The following FHIT variants were observed in gnomAD, a reference collection of about 807,000 sequenced individuals.
FHIT encodes the protein bis(5'-adenosyl)-triphosphatase.
A neutral mutation model predicts 17.9 loss-of-function variants in FHIT; 19 were observed. That is an observed-to-expected ratio of 1.06 (90% CI 0.74 to 1.56). FHIT has a LOEUF of 1.56. Ranked by LOEUF, FHIT falls within the 40% of genes most tolerant of loss-of-function variation. The pLI is 0.00. For missense variants in FHIT, 248 were observed against 189.2 expected (o/e 1.31, Z -1.82); for synonymous variants, 81 against 69.7 (o/e 1.16, Z -0.81).
chr3:61,073,430 T>C (rs919695465), intron 2 of FHIT, among the ~76,000 whole-genome samples: 2 of 152,190 alleles, frequency 1.3e-5, no homozygotes, highest in Non-Finnish European at 1.5e-5. Flanking sequence ...AACCTCCTCT[T>C]CCCATATTCT....
chr3:59,947,351 G>A (rs1706862884), intron 7 of FHIT, among the ~76,000 whole-genome samples: 1 of 151,996 alleles, frequency 6.6e-6, no homozygotes, highest in South Asian at 2.1e-4. Flanking sequence ...TGGGGGGTTG[G>A]TGGTAATGTC....
At chr3:60,675,363 C>G (rs1284468761) in intron 4 of FHIT, among the ~76,000 whole-genome samples, 1 of 152,202 alleles carries the variant, frequency 6.6e-6, no homozygotes, top group Non-Finnish European at 1.5e-5. Flanking sequence ...GCCGAGGCTT[C>G]CTGCTCTTAT....
At chr3:60,351,899 A>C (rs955049378) in intron 5 of FHIT, among the ~76,000 whole-genome samples, 1 of 152,176 alleles carries the variant, frequency 6.6e-6, no homozygotes, top group Non-Finnish European at 1.5e-5. Context: ...CTAAAGATTT[A>C]ATTAGCTAGC....
intron 3 of FHIT, among the ~76,000 whole-genome samples, chr3:60,978,288 G>C (rs1057099290): frequency 6.6e-6 from 1 of 152,174 alleles, no homozygotes; most frequent in Non-Finnish European, 1.5e-5. Context: ...TGTGGATTCT[G>C]ATTCTAGAGT....
At chr3:60,550,384 A>C (rs2036506243) in intron 4 of FHIT, among the ~76,000 whole-genome samples, 1 of 152,238 alleles carries the variant, frequency 6.6e-6, no homozygotes, top group South Asian at 2.1e-4. Flanking sequence ...GAAGTGTCCC[A>C]GAATTTAAGC....
chr3:61,009,879 C>T (rs2031688823), intron 3 of FHIT, among the ~76,000 whole-genome samples: 2 of 151,868 alleles, frequency 1.3e-5, no homozygotes. Flanking sequence ...TTACAAATAC[C>T]CTTTAGGAAA....
intron 2 of FHIT, among the ~76,000 whole-genome samples, chr3:61,051,398 C>A (rs529766479): frequency 1.3e-5 from 2 of 151,880 alleles, no homozygotes; most frequent in Non-Finnish European, 2.9e-5. Flanking sequence ...TACAGGCATG[C>A]GCCACCACAC....
intron 5 of FHIT, among the ~76,000 whole-genome samples, chr3:60,338,679 G>A (rs952437504): frequency 3.9e-5 from 6 of 152,176 alleles, no homozygotes; most frequent in Non-Finnish European, 8.8e-5. Flanking sequence ...AGCACATGTG[G>A]TTTTCTGCAT....
At position 59,954,901 on chromosome 3, in the gene FHIT, T is replaced by C. The variant is rs566453231; in HGVS notation, c.280-32487A>G. Among the ~76,000 whole-genome samples, 12 of 152,252 alleles carry C rather than the reference T, an allele frequency of 7.9e-5. No individual in the cohort carries two copies. The South Asian group carries it at 1.9e-3, about 24-fold the overall frequency. The stretch of plus-strand genomic sequence containing the variant: ...AACTCAGAACTGTTCCAGAAGGTAA[T>C]CACTTTGAATTTAAATGCCTACTCT... On this transcript the variant is annotated intron_variant, in intron 7 of 9. Coordinates refer to ENST00000492590, the MANE Select transcript of FHIT (RefSeq NM_002012.4).
At chr3:59,940,389 T>C (rs1706455155) in intron 7 of FHIT, among the ~76,000 whole-genome samples, 1 of 152,174 alleles carries the variant, frequency 6.6e-6, no homozygotes, top group Non-Finnish European at 1.5e-5. Context: ...TTTTAAAAAT[T>C]ACTCTACTGA....
At chr3:60,782,354 T>C (rs1203605419) in intron 4 of FHIT, among the ~76,000 whole-genome samples, 1 of 152,108 alleles carries the variant, frequency 6.6e-6, no homozygotes, top group African/African-American at 2.4e-5. Context: ...GGGGAACCCT[T>C]GTTCACTACT....
chr3:60,755,589 C>T (rs2042555872), intron 4 of FHIT, among the ~76,000 whole-genome samples: 1 of 152,132 alleles, frequency 6.6e-6, no homozygotes, highest in African/African-American at 2.4e-5. Context: ...TTTGCTATTT[C>T]ACATCATCAG....
intron 5 of FHIT, among the ~76,000 whole-genome samples, chr3:60,271,127 C>A (rs779297191): frequency 5.3e-5 from 8 of 152,280 alleles, no homozygotes; most frequent in Non-Finnish European, 8.8e-5. Flanking sequence ...AAGCCACGCT[C>A]CGTGGCTCAC....
chr3:59,971,414 T>C (rs1205477955), intron 7 of FHIT, among the ~76,000 whole-genome samples: 1 of 152,234 alleles, frequency 6.6e-6, no homozygotes, highest in East Asian at 1.9e-4. Flanking sequence ...TGAATTGCTA[T>C]GTCTGAAGGG....
intron 4 of FHIT, among the ~76,000 whole-genome samples, chr3:60,645,139 C>T (rs1553686413): frequency 6.6e-6 from 1 of 152,104 alleles, no homozygotes. Flanking sequence ...TTCCATGACT[C>T]CTTCAGTTAC....
At chr3:61,207,849 G>T in intron 1 of FHIT, among the ~76,000 whole-genome samples, 1 of 151,876 alleles carries the variant, frequency 6.6e-6, no homozygotes, top group South Asian at 2.1e-4. Flanking sequence ...ATTATTTCTT[G>T]CCTTCTGCTA....
intron 5 of FHIT, among the ~76,000 whole-genome samples, chr3:60,057,476 A>G (rs1702127013): frequency 6.6e-6 from 1 of 152,160 alleles, no homozygotes; most frequent in South Asian, 2.1e-4. Context: ...ATGAAAATGA[A>G]ATTCTGACAC....
intron 5 of FHIT, among the ~76,000 whole-genome samples, chr3:60,306,374 AAAAGAGAAAAC>A (rs1290407391): frequency 6.6e-6 from 1 of 152,202 alleles, no homozygotes; most frequent in Non-Finnish European, 1.5e-5. Flanking sequence ...AACTAAAGGT[AAAAGAGAAAAC>A]AAATTTGCTT....
chr3:60,193,716 G>A (rs1040250831), intron 5 of FHIT, among the ~76,000 whole-genome samples: 1 of 152,150 alleles, frequency 6.6e-6, no homozygotes, highest in African/African-American at 2.4e-5. Flanking sequence ...TCCTGACCCT[G>A]CAAACAGTTT....
Sources: gnomAD v4.1 joint callset for allele counts (sites outside exome capture counted in the v4.1 genomes callset) on GRCh38, gnomAD v4.1.1 for gene constraint, MANE v1.5 for transcripts, NCBI Gene and HGNC (gene_info 2026-07-23, HGNC 2026-07-21) for gene names.